The following JADE1 variants were observed in gnomAD, a reference collection of about 807,000 sequenced individuals.
The protein encoded by JADE1 is protein Jade-1.
JADE1 carries 14 observed loss-of-function variants against 81.8 expected under a neutral mutation model. The observed-to-expected ratio is 0.17, with a 90% CI of 0.11 to 0.27. JADE1 has a LOEUF of 0.27. JADE1 is among the 10% of genes least tolerant of loss of function. JADE1 has a pLI of 1.00. For synonymous variants in JADE1, 353 were observed against 391.9 expected (o/e 0.90, Z 1.17); for missense variants, 690 against 1,047.9 (o/e 0.66, Z 4.71).
At chr4:128,844,519 G>A (rs980199410) in intron 3 of JADE1, among the ~76,000 whole-genome samples, 2 of 152,092 alleles carry the variant, frequency 1.3e-5, no homozygotes, top group African/African-American at 4.8e-5. Context: ...GCTTCAGTTT[G>A]ATTTTCTTTC....
intron 2 of JADE1, 111 bp from the exon 3 acceptor site, chr4:128,842,842 T>C (rs1729558191): frequency 1.2e-6 from 1 of 826,504 alleles, no homozygotes; most frequent in Non-Finnish European, 2.1e-6. Flanking sequence ...GGTGGTCTCA[T>C]GGTGCAGTGC....
At chr4:128,833,442 G>T (rs764066079) in intron 2 of JADE1, among the ~76,000 whole-genome samples, 1 of 152,142 alleles carries the variant, frequency 6.6e-6, no homozygotes, top group Non-Finnish European at 1.5e-5. Context: ...GGTGGCTCAC[G>T]CCTGTATTCC....
intron 10 of JADE1, 75 bp downstream of exon 10, chr4:128,868,048 A>G (rs1444984536): frequency 4.2e-6 from 3 of 706,230 alleles, no homozygotes; most frequent in Non-Finnish European, 4.8e-6. Flanking sequence ...GGAAGAAATA[A>G]TCATTTCTTA....
In JADE1 at chr4:128,863,951, CT is replaced by C. The variant is rs568742385; in HGVS notation, c.1503+1728del. 1,393 of 985,316 alleles carry C rather than the reference CT, an allele frequency of 1.4e-3. 23 individuals carry two copies. In the African/African-American group the frequency reaches 0.022, roughly 16 times the overall value. 61.0% of individuals were successfully genotyped at this position (985,316 alleles called of 1,614,324 possible). On this transcript the variant is annotated intron_variant, in intron 9 of 10. Transcript: ENST00000226319. ...TGTGGTGTACTAACTCTTTTCTGTA[CT>C]TAAGTTACTCAGATTAACATGCACT...
In JADE1 at chr4:128,852,182, G is replaced by A. The variant is rs1203315707; in HGVS notation, c.610G>A (p.Val204Ile). The A allele has an allele frequency of 6.2e-7, 1 of 1,614,156 alleles. No homozygotes were observed. The highest frequency in any genetic ancestry group is 1.7e-5 in the Admixed American group (1 of 60,018). Residue 204 changes from valine (V) to isoleucine (I), a missense_variant, in exon 6 of 11, where the codon GTT becomes ATT. Coordinates refer to ENST00000226319, the MANE Select transcript of JADE1 (RefSeq NM_199320.4). ...CCTGGGGATCGAATATGATGAAGAT[G>A]TTGTCTGTGATGTCTGCCAGTCTCC... ...EGLGIEYDEDVVCDVCQSPDG... is the reference protein window; with the variant it reads ...EGLGIEYDEDIVCDVCQSPDG...
chr4:128,822,187 T>C (rs1727635164), intron 1 of JADE1, among the ~76,000 whole-genome samples: 1 of 152,114 alleles, frequency 6.6e-6, no homozygotes, highest in African/African-American at 2.4e-5. Context: ...TTTTATATAG[T>C]GAAGAGCAGG....
At chr4:128,835,214 T>C (rs1211689372) in intron 2 of JADE1, among the ~76,000 whole-genome samples, 1 of 152,224 alleles carries the variant, frequency 6.6e-6, no homozygotes, top group Non-Finnish European at 1.5e-5. Context: ...AGTAGAAGGT[T>C]GGCTGTCCTT....
chr4:128,815,393 C>A (rs1012095136), intron 1 of JADE1, among the ~76,000 whole-genome samples: 1 of 152,196 alleles, frequency 6.6e-6, no homozygotes, highest in African/African-American at 2.4e-5. Flanking sequence ...AGCCACCGTG[C>A]CCGGCAATCT....
intron 9 of JADE1, among the ~76,000 whole-genome samples, chr4:128,865,193 C>T (rs1418385428): frequency 6.6e-6 from 1 of 152,162 alleles, no homozygotes; most frequent in Non-Finnish European, 1.5e-5. Flanking sequence ...AACTTTAGTG[C>T]TGCAAACAGT....
At chr4:128,851,913 C>A in intron 5 of JADE1, 144 bp from the exon 6 acceptor site, 1 of 643,578 alleles carries the variant, frequency 1.6e-6, no homozygotes, top group Non-Finnish European at 2.6e-6. Context: ...TGAGCCACCA[C>A]GCCTGGCCAG....
Position 128,831,717 on chromosome 4 carries a change from T to G in JADE1, c.-26-16T>G. 6.2e-7 allele frequency: 1 copy of G among 1,612,928 alleles called. No homozygotes were observed. Reference sequence around the variant, plus strand: ...TATTATCATCTTGGGTTAAGTGCTGTCTCATTGCTTTGCAGGCTGCCTGCT... The same window carrying G: ...TATTATCATCTTGGGTTAAGTGCTGGCTCATTGCTTTGCAGGCTGCCTGCT... On this transcript the variant is annotated splice_polypyrimidine_tract_variant and intron_variant, in intron 1 of 10. Coordinates refer to ENST00000226319, the MANE Select transcript of JADE1 (RefSeq NM_199320.4).
chr4:128,821,310 T>C (rs977769368), intron 1 of JADE1, among the ~76,000 whole-genome samples: 2 of 152,166 alleles, frequency 1.3e-5, no homozygotes, highest in Non-Finnish European at 2.9e-5. Flanking sequence ...AGCACTGTGT[T>C]AAGGAGGATT....
chr4:128,856,265 A>G (rs1283218718), intron 7 of JADE1, among the ~76,000 whole-genome samples: 2 of 152,186 alleles, frequency 1.3e-5, no homozygotes, highest in Non-Finnish European at 2.9e-5. Context: ...TTCCTTGAGG[A>G]AAAACTGAAT....
At chr4:128,867,816 C>T (rs752427181) in intron 9 of JADE1, 40 bp from the exon 10 acceptor site, 1 of 1,321,322 alleles carries the variant, frequency 7.6e-7, no homozygotes, top group East Asian at 2.3e-5. Flanking sequence ...TACTGTTATA[C>T]TGTATTGCTT....
chr4:128,852,009 A>G (rs1269261411), intron 5 of JADE1, 48 bp from the exon 6 acceptor site: 2 of 1,149,630 alleles, frequency 1.7e-6, no homozygotes, highest in Non-Finnish European at 2.6e-6. Flanking sequence ...TGTAATATTT[A>G]TTAATATGGA....
intron 1 of JADE1, among the ~76,000 whole-genome samples, chr4:128,817,021 T>G (rs4975264): frequency 0.55 from 82,959 of 151,220 alleles, 23,638 homozygotes; most frequent in South Asian, 0.65. Context: ...GCCGTGTCTG[T>G]CTAATTTTTG....
chr4:128,855,610 G>A lies in JADE1; in HGVS notation c.697-20G>A. The A allele has an allele frequency of 1.3e-6, 2 of 1,594,486 alleles. No homozygotes were observed. Among genetic ancestry groups the A allele is most frequent in the Non-Finnish European group, 1.7e-6 (2 of 1,167,512 alleles). On this transcript the variant is annotated intron_variant, in intron 6 of 10. Transcript: ENST00000226319. ...TTTCTCTTTCTCTCTATTCCTCTGG[G>A]ATGTGCCGTGGCATCACAGGCCTGT...
Position 128,871,948 on chromosome 4 carries a change from A to G in JADE1, c.2215A>G (p.Thr739Ala), listed in dbSNP as rs1296446848. 1.2e-6 allele frequency: 2 copies of G among 1,613,888 alleles called. No individual in the cohort carries two copies. ...NYNQTAVKVP[T>A]TPASPVKNWG... Reference sequence around the variant, plus strand: ...TAATCAGACTGCAGTCAAAGTGCCTACAACACCTGCCAGCCCAGTGAAAAA... The same window carrying G: ...TAATCAGACTGCAGTCAAAGTGCCTGCAACACCTGCCAGCCCAGTGAAAAA... The change falls in exon 11 of 11, where the codon ACA (threonine) becomes GCA (alanine). Residue 739 changes from threonine to alanine, a missense_variant. This residue lies in a region of JADE1 where 218 missense variants were observed against 274.3 expected (regional missense o/e 0.79). Coordinates refer to ENST00000226319, the MANE Select transcript of JADE1 (RefSeq NM_199320.4). This position sits in a 1 kb window ranked among gnomAD's most constrained non-coding sequence, Gnocchi z 4.1.
chr4:128,832,987 G>A (rs936503612), intron 2 of JADE1, among the ~76,000 whole-genome samples: 2 of 152,196 alleles, frequency 1.3e-5, no homozygotes, highest in African/African-American at 4.8e-5. Flanking sequence ...AGAGTGTCAG[G>A]TGTGAAGGGC....
Sources: allele counts gnomAD v4.1 joint callset (sites outside exome capture counted in the v4.1 genomes callset), GRCh38; gene constraint gnomAD v4.1.1; regional missense constraint gnomAD v4.1.1; non-coding constraint Gnocchi (gnomAD v3.1); transcripts MANE v1.5; gene names NCBI Gene and HGNC (gene_info 2026-07-23, HGNC 2026-07-21).